The following DPYSL3 variants were observed in gnomAD, a reference collection of about 807,000 sequenced individuals.
DPYSL3 encodes the protein dihydropyrimidinase-related protein 3.
A neutral mutation model predicts 66.1 loss-of-function variants in DPYSL3; 16 were observed. The ratio of observed to expected loss-of-function variants is 0.24; its 90% CI spans 0.16 to 0.37. The LOEUF is 0.37. DPYSL3 is among the 10% of genes least tolerant of loss of function. The pLI is 1.00. For synonymous variants in DPYSL3, 338 were observed against 345.1 expected (o/e 0.98, Z 0.23); for missense variants, 738 against 916.2 (o/e 0.81, Z 2.51).
chr5:147,412,026 C>T (rs573576815), intron 6 of DPYSL3, among the ~76,000 whole-genome samples: 95 of 152,280 alleles, frequency 6.2e-4, no homozygotes, highest in African/African-American at 2.2e-3. Context: ...CATTAAGCAG[C>T]CCAGGAGATG....
At chr5:147,424,036 G>A (rs1408749627) in intron 2 of DPYSL3, among the ~76,000 whole-genome samples, 1 of 152,172 alleles carries the variant, frequency 6.6e-6, no homozygotes, top group Admixed American at 6.5e-5. Flanking sequence ...ACCGCAAGCT[G>A]TTTTGAAAGC....
intron 1 of DPYSL3, among the ~76,000 whole-genome samples, chr5:147,503,660 T>C (rs940246409): frequency 1.3e-5 from 2 of 152,246 alleles, no homozygotes; most frequent in African/African-American, 4.8e-5. Context: ...TAAACATATA[T>C]ACACACACAA....
At chr5:147,402,456 T>C (rs1302114077) in intron 8 of DPYSL3, among the ~76,000 whole-genome samples, 40 of 134,468 alleles carry the variant, frequency 3.0e-4, no homozygotes, top group African/African-American at 1.1e-3. Context: ...CACGCCATTC[T>C]CCTGCCTCAG....
rs1157628714 is a variant in DPYSL3, at chr5:147,415,882, C to G, written c.656-9G>C. ...AGGCACCACATGGTCAACTGAATGA[C>G]AGAGACCCCAGATGAGTCACTCTCA... On this transcript the variant is annotated splice_polypyrimidine_tract_variant and intron_variant, in intron 3 of 13. Coordinates refer to ENST00000343218, the MANE Select transcript of DPYSL3 (RefSeq NM_001197294.2). 1 of 1,612,272 alleles carries G rather than the reference C, an allele frequency of 6.2e-7. No individual in the cohort carries two copies. The highest frequency in any genetic ancestry group is 1.3e-5 in the African/African-American group (1 of 74,886).
chr5:147,486,021 A>G (rs1353467633), intron 1 of DPYSL3, among the ~76,000 whole-genome samples: 1 of 152,204 alleles, frequency 6.6e-6, no homozygotes, highest in Non-Finnish European at 1.5e-5. Flanking sequence ...ATGCAGCCAT[A>G]AAAAGGAAAG....
At chr5:147,425,704 T>C (rs1469293378) in intron 1 of DPYSL3, among the ~76,000 whole-genome samples, 1 of 152,210 alleles carries the variant, frequency 6.6e-6, no homozygotes, top group Non-Finnish European at 1.5e-5. Context: ...AAATTTGAGT[T>C]ACCCGACAGG....
intron 1 of DPYSL3, among the ~76,000 whole-genome samples, chr5:147,493,595 G>A (rs1254449922): frequency 6.6e-6 from 1 of 151,448 alleles, no homozygotes; most frequent in African/African-American, 2.4e-5. Flanking sequence ...AGAAAGGAAG[G>A]AAGAAAGAAA....
rs571931657 is a variant in DPYSL3, at chr5:147,457,655, G to A, written c.382-32692C>T. ...AACATATGGGCCAAAGAAAGGCTCA[G>A]TAGAGTAGAATTGGTACCTGGGCAC... On this transcript the variant is annotated intron_variant, in intron 1 of 13. Coordinates refer to ENST00000343218, the MANE Select transcript of DPYSL3 (RefSeq NM_001197294.2). Among the ~76,000 whole-genome samples the A allele has an allele frequency of 5.3e-5, 8 of 152,350 alleles. No individual in the cohort carries two copies. The South Asian group carries it at 6.2e-4, about 12-fold the overall frequency.
In DPYSL3 at chr5:147,509,540, C is replaced by CGGCGGG; in HGVS notation, c.313_318dup (p.Pro105_Ala106dup). 2.0e-6 allele frequency: 3 copies of CGGCGGG among 1,534,738 alleles called. No homozygotes were observed. Among genetic ancestry groups the CGGCGGG allele is most frequent in the Non-Finnish European group, 2.6e-6 (3 of 1,146,326 alleles). Reference sequence around the variant, plus strand: ...CCGGTGGCGCTCCGGATCTCTACCCCGGCGGGGGCGGGGGAGGCGGGCGCG... The same window carrying CGGCGGG: ...CCGGTGGCGCTCCGGATCTCTACCCCGGCGGGGGCGGGGGCGGGGGAGGCGGGCGCG... On this transcript the variant is annotated inframe_insertion, in exon 1 of 14. Coordinates refer to ENST00000343218, the MANE Select transcript of DPYSL3 (RefSeq NM_001197294.2). This position sits in a 1 kb window ranked among gnomAD's most constrained non-coding sequence, Gnocchi z 5.3.
At chr5:147,409,072 TA>T (rs1283945373) in intron 6 of DPYSL3, among the ~76,000 whole-genome samples, 1 of 152,228 alleles carries the variant, frequency 6.6e-6, no homozygotes, top group Non-Finnish European at 1.5e-5. Context: ...CCAGGTCACT[TA>T]TTGTTCATCT....
chr5:147,412,267 A>C (rs1751869635), intron 6 of DPYSL3, among the ~76,000 whole-genome samples: 1 of 152,164 alleles, frequency 6.6e-6, no homozygotes, highest in Admixed American at 6.5e-5. Flanking sequence ...TATGACAGAG[A>C]ATGTCTTGTA....
chr5:147,413,461 A>G, intron 5 of DPYSL3, 135 bp downstream of exon 5: 1 of 683,168 alleles, frequency 1.5e-6, no homozygotes, highest in Non-Finnish European at 2.6e-6. Flanking sequence ...GTGGACTGCA[A>G]AGGCTTCAAG....
rs552191336 is a variant in DPYSL3, at chr5:147,509,588, C to T, written c.271G>A (p.Gly91Ser). The T allele has an allele frequency of 6.5e-6, 10 of 1,535,466 alleles. No homozygotes were observed. The South Asian group carries it at 9.5e-5, about 15-fold the overall frequency. Residue 91 changes from glycine (G) to serine (S), a missense_variant, in exon 1 of 14, where the codon GGC becomes AGC. Gly to Ser is a moderately conservative substitution (Grantham distance 56). Coordinates refer to ENST00000343218, the MANE Select transcript of DPYSL3 (RefSeq NM_001197294.2). The surrounding 1 kb of genome is among the most constrained non-coding windows in gnomAD (Gnocchi z 5.3). ...GCGGGCTCCCTGCTCTCTTCCCGGC[C>T]TTGGCCCCTGCGCGGGGTGTCCCCC... is the stretch of plus-strand genomic sequence containing the variant. ...IEGDTPRRGQ[G>S]REESREPAPA... is the part of the protein sequence containing the mutation.
intron 7 of DPYSL3, among the ~76,000 whole-genome samples, chr5:147,406,688 T>C (rs1758331321): frequency 6.6e-6 from 1 of 152,220 alleles, no homozygotes; most frequent in Non-Finnish European, 1.5e-5. Context: ...ACTCTCAACT[T>C]GTGTAAGTTA....
intron 1 of DPYSL3, among the ~76,000 whole-genome samples, chr5:147,477,349 A>G (rs1012156350): frequency 6.6e-6 from 1 of 152,176 alleles, no homozygotes; most frequent in Non-Finnish European, 1.5e-5. Context: ...AAAGAAATGG[A>G]AAGCACAACA....
At position 147,393,730 on chromosome 5, in the gene DPYSL3, C is replaced by T. The variant is rs1757884160; in HGVS notation, c.*305G>A. 2 of 321,236 alleles carry T rather than the reference C, an allele frequency of 6.2e-6. No individual in the cohort carries two copies. Among genetic ancestry groups the T allele is most frequent in the South Asian group, 3.9e-5 (1 of 25,512 alleles). The allele number at this position is 321,236 out of a possible 1,614,324, so 19.9% of individuals were successfully genotyped here. On this transcript the variant is annotated 3_prime_UTR_variant, in exon 14 of 14. Coordinates refer to ENST00000343218, the MANE Select transcript of DPYSL3 (RefSeq NM_001197294.2). ...TCTGTCCCCTTGTCATAAGATGCAG[C>T]ACTACACACGCTCTCAACACTATGA...
chr5:147,436,610 C>CTAT, intron 1 of DPYSL3, among the ~76,000 whole-genome samples: 1 of 151,910 alleles, frequency 6.6e-6, no homozygotes, highest in South Asian at 2.1e-4. Context: ...GTTGCATATG[C>CTAT]GTAATGTACT....
intron 8 of DPYSL3, among the ~76,000 whole-genome samples, chr5:147,403,961 C>T (rs1220344428): frequency 6.6e-6 from 1 of 152,148 alleles, no homozygotes; most frequent in Non-Finnish European, 1.5e-5. Flanking sequence ...ATAACTAAAA[C>T]ACCCTGTCCC....
At chr5:147,451,462 C>G (rs1327323328) in intron 1 of DPYSL3, among the ~76,000 whole-genome samples, 1 of 152,172 alleles carries the variant, frequency 6.6e-6, no homozygotes, top group African/African-American at 2.4e-5. Context: ...CAAATCTGGT[C>G]CTGGGATTGG....
Sources: gnomAD v4.1 joint callset for allele counts (sites outside exome capture counted in the v4.1 genomes callset) on GRCh38, gnomAD v4.1.1 for gene constraint, Gnocchi (gnomAD v3.1) non-coding constraint, MANE v1.5 for transcripts, NCBI Gene and HGNC (gene_info 2026-07-23, HGNC 2026-07-21) for gene names.